DYM: variants seen among roughly 807,000 people sequenced by gnomAD.
DYM encodes the protein dyggve-Melchior-Clausen syndrome protein.
In DYM, 78 loss-of-function variants were observed where a neutral mutation model predicts 93.1. That is an observed-to-expected ratio of 0.84 (90% CI 0.70 to 1.01). The LOEUF (loss-of-function observed/expected upper bound fraction) is 1.01, where lower values mean the gene tolerates loss of function less well. Ranked by LOEUF, DYM falls within the 50% of genes least tolerant of loss-of-function variation. DYM has a pLI of 0.00. For synonymous variants in DYM, 321 were observed against 319.7 expected, an observed-to-expected ratio of 1.00 and a Z score of -0.04; for missense variants, 789 against 845.0, an observed-to-expected ratio of 0.93 and a Z score of 0.82.
In DYM at chr18:49,250,575, G is replaced by A. The variant is rs1366978120; in HGVS notation, c.1460+6435C>T. ...TTTCTCTTTGTAATCTGAAGAATGG[G>A]GAATATGAAACAACTATGTTAGCAG... On this transcript the variant is annotated intron_variant, in intron 13 of 17. Coordinates refer to ENST00000675505, the MANE Select transcript of DYM (RefSeq NM_001353214.3). Among the ~76,000 whole-genome samples, 5 of 152,298 alleles carry A rather than the reference G, an allele frequency of 3.3e-5. No individual in the cohort carries two copies. In the South Asian group the frequency reaches 6.2e-4, roughly 19 times the overall value.
chr18:49,292,023 GT>G (rs2060143648), intron 8 of DYM, among the ~76,000 whole-genome samples: 1 of 152,056 alleles, frequency 6.6e-6, no homozygotes, highest in African/African-American at 2.4e-5. Context: ...CAATTACAAA[GT>G]TCAATCTGCA....
At chr18:49,217,951 C>T (rs2093156728) in intron 13 of DYM, among the ~76,000 whole-genome samples, 1 of 152,150 alleles carries the variant, frequency 6.6e-6, no homozygotes, top group South Asian at 2.1e-4. Context: ...TTAAAAGACA[C>T]AGACTGGCAA....
At position 49,253,068 on chromosome 18, in the gene DYM, G is replaced by C. The variant is rs2094323326; in HGVS notation, c.1460+3942C>G. Among the ~76,000 whole-genome samples, 3 of 152,264 alleles carry C rather than the reference G, an allele frequency of 2.0e-5. No homozygotes were observed. The South Asian group carries it at 6.2e-4, about 32-fold the overall frequency. ...GAATCATTCCTTACATTTATGTCCA[G>C]CTAAGGAGGCTTTTCAAAGATTTAT... On this transcript the variant is annotated intron_variant, in intron 13 of 17. Coordinates refer to ENST00000675505, the MANE Select transcript of DYM (RefSeq NM_001353214.3).
At chr18:49,395,349 G>A (rs1403080871) in intron 2 of DYM, among the ~76,000 whole-genome samples, 1 of 152,196 alleles carries the variant, frequency 6.6e-6, no homozygotes. Context: ...GAAACACAAG[G>A]CCAGGCGCAG....
intron 14 of DYM, among the ~76,000 whole-genome samples, chr18:49,165,839 G>T (rs2087792948): frequency 6.6e-6 from 1 of 152,116 alleles, no homozygotes; most frequent in African/African-American, 2.4e-5. Flanking sequence ...TTTCATGAAG[G>T]TCACCTTAGG....
chr18:49,118,058 A>G (rs2082070154), intron 16 of DYM, among the ~76,000 whole-genome samples: 1 of 123,784 alleles, frequency 8.1e-6, no homozygotes, highest in Admixed American at 1.0e-4. Flanking sequence ...TGCTCAGGCC[A>G]GAGTACAATG....
intron 17 of DYM, among the ~76,000 whole-genome samples, chr18:49,095,188 T>C (rs142783105): frequency 3.9e-4 from 60 of 152,338 alleles, no homozygotes; most frequent in African/African-American, 1.3e-3. Flanking sequence ...AGCTTGAATT[T>C]TGAATCAACT....
intron 8 of DYM, among the ~76,000 whole-genome samples, chr18:49,292,294 A>G (rs1305510230): frequency 2.1e-5 from 3 of 140,746 alleles, no homozygotes; most frequent in Non-Finnish European, 4.6e-5. Context: ...GAATCCACCA[A>G]CACAGACAGA....
intron 14 of DYM, among the ~76,000 whole-genome samples, chr18:49,199,020 C>T (rs1225539722): frequency 6.6e-6 from 1 of 152,150 alleles, no homozygotes; most frequent in Non-Finnish European, 1.5e-5. Flanking sequence ...AAATGTGGCA[C>T]ATATACACCA....
intron 8 of DYM, among the ~76,000 whole-genome samples, chr18:49,295,156 A>C (rs1212540215): frequency 2.0e-5 from 3 of 152,224 alleles, no homozygotes; most frequent in Non-Finnish European, 4.4e-5. Flanking sequence ...TCTAAATCTT[A>C]AAACACCCAT....
At chr18:49,318,611 ACT>A (rs1345620164) in intron 8 of DYM, among the ~76,000 whole-genome samples, 1 of 148,648 alleles carries the variant, frequency 6.7e-6, no homozygotes, top group Admixed American at 6.7e-5. Context: ...ACACAGCAAG[ACT>A]CTGTCCCCCC....
chr18:49,287,338 A>AAT (rs1262660431), intron 8 of DYM, among the ~76,000 whole-genome samples: 1 of 149,730 alleles, frequency 6.7e-6, no homozygotes, highest in Non-Finnish European at 1.5e-5. Flanking sequence ...TATATATTTA[A>AAT]ATATATATAT....
chr18:49,446,840 C>G (rs2082130561), intron 1 of DYM, among the ~76,000 whole-genome samples: 1 of 152,150 alleles, frequency 6.6e-6, no homozygotes, highest in South Asian at 2.1e-4. Flanking sequence ...GGGTGGATCA[C>G]CTGAGGTCAG....
At chr18:49,374,354 A>G (rs567315994) in intron 5 of DYM, among the ~76,000 whole-genome samples, 1 of 152,328 alleles carries the variant, frequency 6.6e-6, no homozygotes, top group South Asian at 2.1e-4. Context: ...CCAAAAGAAG[A>G]TCAAGACCAG....
intron 14 of DYM, among the ~76,000 whole-genome samples, chr18:49,205,412 C>T (rs535875799): frequency 2.0e-5 from 3 of 152,172 alleles, no homozygotes; most frequent in African/African-American, 7.2e-5. Flanking sequence ...AAAAATCACT[C>T]CAGTCTTAGG....
chr18:49,292,764 A>G (rs928787756), intron 8 of DYM, among the ~76,000 whole-genome samples: 1 of 152,100 alleles, frequency 6.6e-6, no homozygotes, highest in African/African-American at 2.4e-5. Flanking sequence ...CCTAAAATCC[A>G]TCTAACTAAA....
chr18:49,177,581 T>G (rs1470517075), intron 14 of DYM, among the ~76,000 whole-genome samples: 1 of 152,148 alleles, frequency 6.6e-6, no homozygotes. Flanking sequence ...AATGCCTTTT[T>G]TCAACACCTA....
chr18:49,409,277 C>A, intron 2 of DYM, among the ~76,000 whole-genome samples: 2 of 132,452 alleles, frequency 1.5e-5, no homozygotes, highest in Non-Finnish European at 1.6e-5. Flanking sequence ...GAGTGAGACT[C>A]TGTCTCAAAA....
At chr18:49,333,952 T>A in intron 6 of DYM, 99 bp from the exon 7 acceptor site, 2 of 1,285,672 alleles carry the variant, frequency 1.6e-6, no homozygotes, top group Non-Finnish European at 2.2e-6. Flanking sequence ...ATCTAAATAT[T>A]CAGTATTTTC....
Sources: allele counts gnomAD v4.1 joint callset (sites outside exome capture counted in the v4.1 genomes callset), GRCh38; gene constraint gnomAD v4.1.1; transcripts MANE v1.5; gene names NCBI Gene and HGNC (gene_info 2026-07-23, HGNC 2026-07-21).